The following EVI5L variants were observed in gnomAD, a reference collection of about 807,000 sequenced individuals.
EVI5L encodes EVI5-like protein.
In EVI5L, 30 loss-of-function variants were observed where a neutral mutation model predicts 106.1. The observed-to-expected ratio is 0.28, with a 90% confidence interval of 0.21 to 0.38. EVI5L has a LOEUF of 0.38. Ranked by LOEUF, EVI5L falls within the 10% of genes least tolerant of loss-of-function variation. The pLI, the probability that EVI5L is intolerant of heterozygous loss-of-function variation, is 1.00. For synonymous variants in EVI5L, 489 were observed against 483.3 expected (o/e 1.01, Z -0.15); for missense variants, 809 against 1,098.0 (o/e 0.74, Z 3.72).
chr19:7,850,413 C>T lies in EVI5L; in HGVS notation c.753+291C>T, dbSNP rs952520535. 6.6e-6 allele frequency among the ~76,000 whole-genome samples: 1 copy of T among 152,166 alleles called. No homozygotes were observed. Among genetic ancestry groups the T allele is most frequent in the Non-Finnish European group, 1.5e-5 (1 of 68,020 alleles). ...GCAGAGGGGTGGGGCAGGCTCACAT[C>T]GGACACAGCCACAGCCACCTCCCTG... is the stretch of plus-strand genomic sequence containing the variant. On this transcript the variant is annotated intron_variant, in intron 6 of 19. Transcript: ENST00000538904. The surrounding 1 kb of genome is among the most constrained non-coding windows in gnomAD (Gnocchi z 5.4).
chr19:7,853,065 TG>T lies in EVI5L; in HGVS notation c.988-20del. The T allele has an allele frequency of 4.3e-6, 7 of 1,613,260 alleles. No homozygotes were observed. The highest frequency in any genetic ancestry group is 5.9e-6 in the Non-Finnish European group (7 of 1,179,812). On this transcript the variant is annotated intron_variant, in intron 8 of 19. Coordinates refer to ENST00000538904, the MANE Select transcript of EVI5L (RefSeq NM_001159944.3). ...CAGGGCCTGCATGTTGGTGACCAGG[TG>T]ACCGGCTGTGTCCCCACAGTACTTC...
At chr19:7,831,459 GC>G (rs1385109637) in intron 1 of EVI5L, among the ~76,000 whole-genome samples, 1 of 151,862 alleles carries the variant, frequency 6.6e-6, no homozygotes. Flanking sequence ...ACCATGAGGT[GC>G]CTGCCGCACC....
chr19:7,854,111 G>C (rs1245978326), intron 10 of EVI5L, among the ~76,000 whole-genome samples: 1 of 151,676 alleles, frequency 6.6e-6, no homozygotes, highest in African/African-American at 2.4e-5. Context: ...GTGAAACCCC[G>C]TCTCTATTAA....
intron 10 of EVI5L, among the ~76,000 whole-genome samples, chr19:7,854,153 AC>A (rs1343485162): frequency 6.6e-6 from 1 of 151,738 alleles, no homozygotes; most frequent in Non-Finnish European, 1.5e-5. Context: ...GTGGTAGCAC[AC>A]ACCTGTAATC....
At chr19:7,837,968 G>A (rs928501264) in intron 1 of EVI5L, among the ~76,000 whole-genome samples, 2 of 152,118 alleles carry the variant, frequency 1.3e-5, no homozygotes, top group Admixed American at 1.3e-4. Flanking sequence ...CTCCCGAAGT[G>A]CTGGGATTAC....
chr19:7,837,448 A>G (rs1285440340), intron 1 of EVI5L, among the ~76,000 whole-genome samples: 1 of 152,212 alleles, frequency 6.6e-6, no homozygotes, highest in Non-Finnish European at 1.5e-5. Flanking sequence ...AGTCTCCTCT[A>G]TAGTTAATGT....
At chr19:7,838,303 G>T (rs1194139697) in intron 1 of EVI5L, among the ~76,000 whole-genome samples, 1 of 151,934 alleles carries the variant, frequency 6.6e-6, no homozygotes, top group African/African-American at 2.4e-5. Flanking sequence ...TAGAGACAGG[G>T]TTTCATCATG....
intron 6 of EVI5L, 121 bp from the exon 7 acceptor site, chr19:7,851,313 G>T: frequency 8.2e-7 from 1 of 1,220,106 alleles, no homozygotes; most frequent in East Asian, 2.5e-5. Context: ...CAGGAAGGGA[G>T]CCTCAGGCTG....
intron 1 of EVI5L, among the ~76,000 whole-genome samples, chr19:7,838,854 A>T (rs761051427): frequency 2.8e-4 from 43 of 152,148 alleles, no homozygotes; most frequent in Middle Eastern, 3.4e-3. Flanking sequence ...AGAATGGCCA[A>T]ACCGGCCAGG....
Position 7,863,024 on chromosome 19 carries a change from C to T in EVI5L, c.2000C>T (p.Ala667Val), listed in dbSNP as rs1979922304. ...VRLREADSMA[A>V]VAEMRQRIAE... is the part of the protein sequence containing the mutation. The stretch of plus-strand genomic sequence containing the variant: ...CTGCGGGAGGCGGACAGCATGGCTG[C>T]GGTGGCCGAGATGCGGCAGCGCATT... The change falls in exon 18 of 20, where the codon GCG becomes GTG. Residue 667 changes from alanine to valine, a missense_variant. By Grantham distance (64) the Ala-to-Val change is moderately conservative. This residue lies in a region of EVI5L where 452 missense variants were observed against 509.9 expected (regional missense o/e 0.89). Transcript: ENST00000538904. This position sits in a 1 kb window ranked among gnomAD's most constrained non-coding sequence, Gnocchi z 7.7. The T allele has an allele frequency of 8.2e-6, 13 of 1,580,262 alleles. No homozygotes were observed. Among genetic ancestry groups the T allele is most frequent in the African/African-American group, 4.1e-5 (3 of 72,646 alleles).
rs747202531 is a variant in EVI5L, at chr19:7,862,049, G to C, written c.1644+31G>C. The C allele has an allele frequency of 1.2e-5, 19 of 1,537,940 alleles. No homozygotes were observed. In the East Asian group the frequency reaches 4.7e-4, roughly 38 times the overall value. ...GGCCGGGTGGGCGCCGGCGGGCAGA[G>C]CGCCCCCTAGGGCCATCCCCTCGGG... On this transcript the variant is annotated intron_variant, in intron 15 of 19. Transcript: ENST00000538904.
At chr19:7,862,946 C>CA in intron 17 of EVI5L, 26 bp from the exon 18 acceptor site, 5 of 1,501,624 alleles carry the variant, frequency 3.3e-6, no homozygotes, top group Non-Finnish European at 4.4e-6. Context: ...ACCCGCCCTC[C>CA]TTTCCCCCCA....
At chr19:7,831,426 C>G in intron 1 of EVI5L, among the ~76,000 whole-genome samples, 1 of 151,936 alleles carries the variant, frequency 6.6e-6, no homozygotes, top group Non-Finnish European at 1.5e-5. Context: ...ACAGCTCCCC[C>G]AGCTCAAGCA....
rs755263820 is a variant in EVI5L, at chr19:7,853,003, C to T, written c.988-83C>T. 2.1e-5 allele frequency: 30 copies of T among 1,403,030 alleles called. 1 individual carries two copies. Among genetic ancestry groups the T allele is most frequent in the South Asian group, 1.4e-4 (12 of 82,846 alleles). 86.9% of individuals were successfully genotyped at this position (1,403,030 alleles called of 1,614,324 possible). A position where few individuals can be genotyped will look rare whatever the true frequency, so the allele number is the denominator to read the frequency against. ...CCCCGGGCAGACCCGTTCCTGCCCCCCTCCAGGGCAACAGGGCTCGGGCGG... is the reference window on the plus strand; with the variant it reads ...CCCCGGGCAGACCCGTTCCTGCCCCTCTCCAGGGCAACAGGGCTCGGGCGG... On this transcript the variant is annotated intron_variant, in intron 8 of 19. Transcript: ENST00000538904.
At chr19:7,862,742 C>CCCGCACCTCCCTTGCCCGCGGGA (rs1979894664) in intron 17 of EVI5L, among the ~76,000 whole-genome samples, 1 of 124,254 alleles carries the variant, frequency 8.0e-6, no homozygotes, top group Non-Finnish European at 1.8e-5. Context: ...TCCTGACCAC[C>CCCGCACCTCCCTTGCCCGCGGGA]CCCCCCCGCG....
At chr19:7,849,221 G>T (rs1979114448) in intron 4 of EVI5L, 35 bp from the exon 5 acceptor site, 1 of 1,613,960 alleles carries the variant, frequency 6.2e-7, no homozygotes, top group Non-Finnish European at 8.5e-7. Context: ...GTGCTGGACG[G>T]CGGGACCCTG....
Position 7,850,614 on chromosome 19 carries a change from GACAC to G in EVI5L, c.753+505_753+508del, listed in dbSNP as rs141254631. Among the ~76,000 whole-genome samples, 1 of 151,690 alleles carries G rather than the reference GACAC, an allele frequency of 6.6e-6. No individual in the cohort carries two copies. Among genetic ancestry groups the G allele is most frequent in the Non-Finnish European group, 1.5e-5 (1 of 67,838 alleles). The stretch of plus-strand genomic sequence containing the variant: ...ACCCGCATGCATACACACACACGCA[GACAC>G]ACACACACACACCGGCCCGCCTCAG... On this transcript the variant is annotated intron_variant, in intron 6 of 19. Transcript: ENST00000538904. The surrounding 1 kb of genome is among the most constrained non-coding windows in gnomAD (Gnocchi z 5.4).
chr19:7,842,460 T>C (rs1235595285), intron 1 of EVI5L, among the ~76,000 whole-genome samples: 7 of 150,328 alleles, frequency 4.7e-5, no homozygotes, highest in Middle Eastern at 3.3e-3. Context: ...TGTGAATGTG[T>C]GTGTATCAAG....
intron 1 of EVI5L, among the ~76,000 whole-genome samples, chr19:7,844,485 A>G (rs1288713233): frequency 1.3e-5 from 2 of 151,904 alleles, no homozygotes; most frequent in African/African-American, 2.4e-5. Context: ...CCTCACCTCC[A>G]CCACCTCCTC....
Sources: allele counts gnomAD v4.1 joint callset (sites outside exome capture counted in the v4.1 genomes callset), GRCh38; gene constraint gnomAD v4.1.1; regional missense constraint gnomAD v4.1.1; non-coding constraint Gnocchi (gnomAD v3.1); transcripts MANE v1.5; gene names NCBI Gene and HGNC (gene_info 2026-07-23, HGNC 2026-07-21).